The following MIA3 variants were observed in gnomAD, a reference collection of about 807,000 sequenced individuals.
MIA3 encodes MIA SH3 domain ER export factor 3.
In MIA3, 90 loss-of-function variants were observed where a neutral mutation model predicts 192.4. That is an observed-to-expected ratio of 0.47 (90% CI 0.39 to 0.56). The LOEUF (loss-of-function observed/expected upper bound fraction) is 0.56, where lower values mean the gene tolerates loss of function less well. MIA3 is among the 20% of genes least tolerant of loss of function. MIA3 has a pLI of 0.00. For synonymous variants in MIA3, 740 were observed against 792.8 expected (o/e 0.93, Z 1.12); for missense variants, 2,123 against 2,269.4 (o/e 0.94, Z 1.31).
At chr1:222,620,155 C>G (rs1343554477) in intron 1 of MIA3, among the ~76,000 whole-genome samples, 1 of 152,152 alleles carries the variant, frequency 6.6e-6, no homozygotes, top group Non-Finnish European at 1.5e-5. Context: ...GCGTGTATAG[C>G]CATTTAAAGG....
chr1:222,625,139 A>G (rs1052739790), intron 3 of MIA3, among the ~76,000 whole-genome samples: 14 of 151,330 alleles, frequency 9.3e-5, no homozygotes, highest in African/African-American at 3.4e-4. Flanking sequence ...CCTCCCAAGT[A>G]GCTGGGACTA....
In MIA3 at chr1:222,621,133, T is replaced by A. The variant is rs149397906; in HGVS notation, c.134-26T>A. ...AACACTGAATCCTGATATCTGGCTA[T>A]TTTTTTTCTCTCTCTTTATATACAG... On this transcript the variant is annotated intron_variant, in intron 1 of 27. Coordinates refer to ENST00000344922, the MANE Select transcript of MIA3 (RefSeq NM_198551.4). 497 of 1,549,388 alleles carry A rather than the reference T, an allele frequency of 3.2e-4. 3 individuals are homozygous for A. In the African/African-American group the frequency reaches 5.9e-3, roughly 19 times the overall value.
chr1:222,638,464 G>A (rs775031364), intron 6 of MIA3, among the ~76,000 whole-genome samples: 4 of 152,276 alleles, frequency 2.6e-5, no homozygotes, highest in Non-Finnish European at 5.9e-5. Flanking sequence ...GCTGAGGCAG[G>A]AGGATCACTT....
At chr1:222,645,910 C>CA in intron 7 of MIA3, 1 of 385,964 alleles carries the variant, frequency 2.6e-6, no homozygotes, top group South Asian at 3.0e-5. Flanking sequence ...TGTCTCATAT[C>CA]AAAGTCTAAA....
Position 222,630,057 on chromosome 1 carries a change from A to C in MIA3, c.2837A>C (p.His946Pro). ...CGGTTCCAGAAGTACTTTAATGTCCATGAGCTGGAAGCCTTGCTACAAGAA... is the reference window on the plus strand; with the variant it reads ...CGGTTCCAGAAGTACTTTAATGTCCCTGAGCTGGAAGCCTTGCTACAAGAA... ...LQRFQKYFNV[H>P]ELEALLQEMS... Residue 946 changes from histidine (H) to proline (P), a missense_variant, in exon 4 of 28, where the codon CAT (histidine) becomes CCT (proline). Physicochemically the swap from His to Pro is moderately conservative, Grantham distance 77 (BLOSUM62 -2). Coordinates refer to ENST00000344922, the MANE Select transcript of MIA3 (RefSeq NM_198551.4). The C allele has an allele frequency of 6.2e-7, 1 of 1,614,228 alleles. No individual in the cohort carries two copies. Among genetic ancestry groups the C allele is most frequent in the Non-Finnish European group, 8.5e-7 (1 of 1,180,046 alleles).
intron 7 of MIA3, 70 bp from the exon 8 acceptor site, chr1:222,648,759 G>T: frequency 1.1e-6 from 1 of 886,338 alleles, no homozygotes; most frequent in East Asian, 2.5e-5. Flanking sequence ...TCTGACAGTT[G>T]TATTAGAAAC....
intron 1 of MIA3, among the ~76,000 whole-genome samples, chr1:222,620,596 T>G (rs1162817586): frequency 2.6e-5 from 4 of 152,242 alleles, no homozygotes; most frequent in Middle Eastern, 3.2e-3. Context: ...ACAACTTGGC[T>G]GCAAATGAAA....
rs566304853 is a variant in MIA3 at position 222,654,097 on chromosome 1, TAA to T, written c.4322-143_4322-142del. ...TTCAGTCTTAAGTTTGCAGTTCTCT[TAA>T]AAGTCAGTCTAATCCTTTTCTGTTT... On this transcript the variant is annotated intron_variant, in intron 15 of 27. Transcript: ENST00000344922. 1.4e-5 allele frequency: 10 copies of T among 728,800 alleles called. No individual in the cohort carries two copies. The East Asian group carries it at 2.4e-4, about 18-fold the overall frequency. The allele number at this position is 728,800 out of a possible 1,614,324, so 45.1% of individuals were successfully genotyped here.
chr1:222,643,429 T>C (rs552592586), intron 6 of MIA3, among the ~76,000 whole-genome samples: 1 of 152,296 alleles, frequency 6.6e-6, no homozygotes, highest in South Asian at 2.1e-4. Context: ...CCTCCTCTTG[T>C]ACCACACCCT....
rs1664295299 is a variant in MIA3 at position 222,666,539 on chromosome 1, C to G, written c.*920C>G. ...TTAAAAATTTTAAAATGTACAGTCC[C>G]TTATCTATCTTTCCCATTCCTTGCC... On this transcript the variant is annotated 3_prime_UTR_variant, in exon 28 of 28. Transcript: ENST00000344922. 1 of 151,924 alleles carries G rather than the reference C, an allele frequency of 6.6e-6. No homozygotes were observed. Among genetic ancestry groups the G allele is most frequent in the African/African-American group, 2.4e-5 (1 of 41,330 alleles). 9.4% of individuals were successfully genotyped at this position (151,924 alleles called of 1,614,324 possible). A position where few individuals can be genotyped will look rare whatever the true frequency, so the allele number is the denominator to read the frequency against.
intron 3 of MIA3, among the ~76,000 whole-genome samples, chr1:222,626,360 A>G (rs1375826088): frequency 4.6e-5 from 1 of 21,812 alleles, no homozygotes; most frequent in Non-Finnish European, 1.2e-4. Context: ...TGACCTGTAT[A>G]CTAATTGTAG....
At chr1:222,661,667 G>A (rs1664020091) in intron 24 of MIA3, among the ~76,000 whole-genome samples, 1 of 152,144 alleles carries the variant, frequency 6.6e-6, no homozygotes, top group South Asian at 2.1e-4. Flanking sequence ...CGGCATACAT[G>A]TTTCCACTTG....
rs181227279 is a variant in MIA3 at position 222,628,682 on chromosome 1, G to A, written c.1462G>A (p.Glu488Lys). The change falls in exon 4 of 28, where the codon GAA (glutamate) becomes AAA (lysine). Residue 488 changes from glutamate to lysine, a missense_variant. Physicochemically the swap from Glu to Lys is moderately conservative, Grantham distance 56 (BLOSUM62 1). This residue lies in a region of MIA3 where 1,357 missense variants were observed against 1,396.1 expected (regional missense o/e 0.97). Coordinates refer to ENST00000344922, the MANE Select transcript of MIA3 (RefSeq NM_198551.4). Reference protein sequence around the residue: ...LVQDKTELEDENQEGMTVHSS... With the variant: ...LVQDKTELEDKNQEGMTVHSS... ...ACAAGATAAGACAGAATTAGAGGAT[G>A]AAAATCAAGAAGGCATGACTGTGCA... is the stretch of plus-strand genomic sequence containing the variant. 65 of 1,614,030 alleles carry A rather than the reference G, an allele frequency of 4.0e-5. No individual in the cohort carries two copies. In the African/African-American group the frequency reaches 8.3e-4, roughly 21 times the overall value.
At position 222,629,159 on chromosome 1, in the gene MIA3, G is replaced by A. The variant is rs368444914; in HGVS notation, c.1939G>A (p.Glu647Lys). The A allele has an allele frequency of 6.1e-5, 98 of 1,614,152 alleles. No individual in the cohort carries two copies. In the South Asian group the frequency reaches 6.6e-4, roughly 11 times the overall value. Residue 647 changes from glutamate (E) to lysine (K), a missense_variant, in exon 4 of 28, where the codon GAG becomes AAG. Glu to Lys is a moderately conservative substitution (Grantham distance 56). Around this residue, in one of 3 missense-constraint regions of MIA3, gnomAD observed 1,357 missense variants for 1,396.1 expected, o/e 0.97. Transcript: ENST00000344922. The part of the protein sequence containing the change: ...EIDLPRELED[E>K]VPILGRNLPW... ...TGATTTGCCCAGAGAACTGGAAGAC[G>A]AGGTTCCCATTCTGGGAAGAAATCT... is the stretch of plus-strand genomic sequence containing the variant.
chr1:222,653,470 C>G (rs961832289), intron 15 of MIA3, 131 bp downstream of exon 15: 1 of 644,054 alleles, frequency 1.6e-6, no homozygotes, highest in Non-Finnish European at 2.8e-6. Flanking sequence ...GAATGTGTGT[C>G]TGTTTGCATT....
Position 222,627,760 on chromosome 1 carries a change from A to C in MIA3, c.540A>C (p.Glu180Asp), listed in dbSNP as rs1418075680. 5 of 1,612,996 alleles carry C rather than the reference A, an allele frequency of 3.1e-6. No individual in the cohort carries two copies. Among genetic ancestry groups the C allele is most frequent in the Non-Finnish European group, 4.2e-6 (5 of 1,179,758 alleles). Residue 180 changes from glutamate to aspartate, a missense_variant, in exon 4 of 28, where the codon GAA becomes GAC. Coordinates refer to ENST00000344922, the MANE Select transcript of MIA3 (RefSeq NM_198551.4). ...CTAAGGAAAGGGAACCTGAACCTGA[A>C]CCAGTAGAAGCCAACTCAGAGGAAA... ...ELSKEREPEPEPVEANSEESD... is the reference protein window; with the variant it reads ...ELSKEREPEPDPVEANSEESD...
rs1664227264 is a variant in MIA3, at chr1:222,665,337, A to G, written c.5442A>G (p.Leu1814=). The G allele has an allele frequency of 6.2e-7, 1 of 1,613,498 alleles. No individual in the cohort carries two copies. The highest frequency in any genetic ancestry group is 8.5e-7 in the Non-Finnish European group (1 of 1,179,776). ...FGPGMRPPLG[L]REFAPGVPPG... is the part of the protein sequence containing the mutation. The stretch of plus-strand genomic sequence containing the variant: ...CTGGTATGCGTCCACCACTAGGCTT[A>G]AGAGAATTTGCACCAGGCGTTCCAC... Residue 1814 remains leucine (L), a synonymous_variant, in exon 28 of 28, where the codon TTA becomes TTG. Coordinates refer to ENST00000344922, the MANE Select transcript of MIA3 (RefSeq NM_198551.4).
chr1:222,657,878 A>T (rs191650283), intron 18 of MIA3, among the ~76,000 whole-genome samples: 3 of 152,330 alleles, frequency 2.0e-5, no homozygotes, highest in Non-Finnish European at 2.9e-5. Context: ...GGTGTTAATA[A>T]CCCTTTTTAC....
Position 222,653,060 on chromosome 1 carries a change from A to G in MIA3, c.4139A>G (p.Gln1380Arg). 6.2e-7 allele frequency: 1 copy of G among 1,613,156 alleles called. No individual in the cohort carries two copies. The highest frequency in any genetic ancestry group is 1.1e-5 in the South Asian group (1 of 91,056). ...WSKLHAELSE[Q>R]IKSFEKSQKD... ...AAATTACATGCTGAGCTCAGTGAGCAAATCAAATCATTTGAGAAGTCTCAG... is the reference window on the plus strand; with the variant it reads ...AAATTACATGCTGAGCTCAGTGAGCGAATCAAATCATTTGAGAAGTCTCAG... The change falls in exon 14 of 28, where the codon CAA becomes CGA. Residue 1380 changes from glutamine (Q) to arginine (R), a missense_variant. Around this residue, in one of 3 missense-constraint regions of MIA3, gnomAD observed 762 missense variants for 856.4 expected, o/e 0.89. Coordinates refer to ENST00000344922, the MANE Select transcript of MIA3 (RefSeq NM_198551.4).
Sources: gnomAD v4.1 joint callset for allele counts (sites outside exome capture counted in the v4.1 genomes callset) on GRCh38, gnomAD v4.1.1 for gene constraint, gnomAD v4.1.1 regional missense constraint, MANE v1.5 for transcripts, NCBI Gene and HGNC (gene_info 2026-07-23, HGNC 2026-07-21) for gene names.